PIK3R5: variants seen among roughly 807,000 people sequenced by gnomAD.
PIK3R5 encodes the protein phosphoinositide 3-kinase regulatory subunit 5.
PIK3R5 carries 32 observed loss-of-function variants against 94.9 expected under a neutral mutation model. That is an observed-to-expected ratio of 0.34 (90% confidence interval 0.25 to 0.45). The LOEUF is 0.45. PIK3R5 is among the 20% of genes least tolerant of loss of function. The pLI is 1.00. For synonymous variants in PIK3R5, 443 were observed against 479.4 expected, an observed-to-expected ratio of 0.92 and a Z score of 0.99; for missense variants, 853 against 1,144.6, an observed-to-expected ratio of 0.75 and a Z score of 3.68.
At position 8,889,170 on chromosome 17, in the gene PIK3R5, G is replaced by C; in HGVS notation, c.864C>G (p.Cys288Trp). Residue 288 changes from cysteine to tryptophan, a missense_variant, in exon 9 of 19, where the codon TGC becomes TGG. By Grantham distance (215) the Cys-to-Trp change is radical (BLOSUM62 -2). Coordinates refer to ENST00000447110, the MANE Select transcript of PIK3R5 (RefSeq NM_001142633.3). This position sits in a 1 kb window ranked among gnomAD's most constrained non-coding sequence, Gnocchi z 4.1. ...LHTIPIPVAR[C>W]YTYSWSQDSF... ...TGTCCTGGCTCCAGCTGTAGGTGTAGCACCTGGCGACAGGGATGGGGATGG... is the reference window on the plus strand; with the variant it reads ...TGTCCTGGCTCCAGCTGTAGGTGTACCACCTGGCGACAGGGATGGGGATGG... 1 of 1,614,136 alleles carries C rather than the reference G, an allele frequency of 6.2e-7. No individual in the cohort carries two copies. Among genetic ancestry groups the C allele is most frequent in the Non-Finnish European group, 8.5e-7 (1 of 1,179,982 alleles).
In PIK3R5 at chr17:8,904,533, C is replaced by G. The variant is rs565900446; in HGVS notation, c.412+244G>C. On this transcript the variant is annotated intron_variant, in intron 5 of 18. Coordinates refer to ENST00000447110, the MANE Select transcript of PIK3R5 (RefSeq NM_001142633.3). The surrounding 1 kb of genome is among the most constrained non-coding windows in gnomAD (Gnocchi z 5.1). ...GGTCTCCTTGCCCTGAGTGCCTGCTCCTACTTCCCCTAACAATCCCTCCTC... is the reference window on the plus strand; with the variant it reads ...GGTCTCCTTGCCCTGAGTGCCTGCTGCTACTTCCCCTAACAATCCCTCCTC... 6.6e-6 allele frequency among the ~76,000 whole-genome samples: 1 copy of G among 152,312 alleles called. No individual in the cohort carries two copies. The highest frequency in any genetic ancestry group is 1.5e-5 in the Non-Finnish European group (1 of 68,034).
intron 1 of PIK3R5, among the ~76,000 whole-genome samples, chr17:8,954,933 G>A (rs1409533893): frequency 7.8e-5 from 6 of 76,844 alleles, no homozygotes; most frequent in Admixed American, 1.5e-4. Context: ...GCAAAACTCC[G>A]TCTCAAAAAA....
chr17:8,964,932 C>T (rs1050376950), intron 1 of PIK3R5, among the ~76,000 whole-genome samples: 3 of 152,226 alleles, frequency 2.0e-5, no homozygotes, highest in African/African-American at 4.8e-5. Flanking sequence ...TCTCCTTCCT[C>T]CTACTGACCT....
chr17:8,888,731 C>T lies in PIK3R5; in HGVS notation c.1056G>A (p.Leu352=). The change falls in exon 10 of 19, where the codon TTG becomes TTA. Residue 352 remains leucine, a synonymous_variant. Transcript: ENST00000447110. The surrounding 1 kb of genome is among the most constrained non-coding windows in gnomAD (Gnocchi z 7.8). ...GGGACAAGGTGGAGTCATGGGACGCCAAAGAGCTGGTGGAGAGCAGGGAAT... is the reference window on the plus strand; with the variant it reads ...GGGACAAGGTGGAGTCATGGGACGCTAAAGAGCTGGTGGAGAGCAGGGAAT... ...ERDSLLSTSS[L]ASHDSTLSLA... is the part of the protein sequence containing the mutation. The T allele has an allele frequency of 6.2e-7, 1 of 1,613,760 alleles. No individual in the cohort carries two copies.
At chr17:8,918,817 C>T (rs1203052846) in intron 1 of PIK3R5, among the ~76,000 whole-genome samples, 1 of 152,176 alleles carries the variant, frequency 6.6e-6, no homozygotes, top group Non-Finnish European at 1.5e-5. Context: ...TTAACATGAC[C>T]AGCAATAAGC....
intron 1 of PIK3R5, among the ~76,000 whole-genome samples, chr17:8,930,171 G>C (rs994298927): frequency 2.0e-5 from 3 of 151,980 alleles, no homozygotes; most frequent in African/African-American, 7.3e-5. Flanking sequence ...CATAAACTAA[G>C]ATAGATCATA....
At chr17:8,959,156 G>A (rs2091514893) in intron 1 of PIK3R5, among the ~76,000 whole-genome samples, 2 of 152,164 alleles carry the variant, frequency 1.3e-5, no homozygotes, top group African/African-American at 4.8e-5. Flanking sequence ...GTCATGAGAT[G>A]GCCCCCAGCA....
In PIK3R5 at chr17:8,880,668, T is replaced by A. The variant is rs765530084; in HGVS notation, c.2614A>T (p.Ile872Phe). ...PDLCSLLCLP[I>F]MTFSGALP The stretch of plus-strand genomic sequence containing the variant: ...GGCAGAGCTCCACTGAAAGTCATGA[T>A]GGGCAGGCAGAGAAGGGAGCAGAGA... The change falls in exon 19 of 19, where the codon ATC becomes TTC. Residue 872 changes from isoleucine (I) to phenylalanine (F), a missense_variant. Coordinates refer to ENST00000447110, the MANE Select transcript of PIK3R5 (RefSeq NM_001142633.3). 2 of 1,612,582 alleles carry A rather than the reference T, an allele frequency of 1.2e-6. No homozygotes were observed. The highest frequency in any genetic ancestry group is 1.1e-5 in the South Asian group (1 of 90,764).
At position 8,904,084 on chromosome 17, in the gene PIK3R5, T is replaced by C. The variant is rs188947356; in HGVS notation, c.412+693A>G. On this transcript the variant is annotated intron_variant, in intron 5 of 18. Coordinates refer to ENST00000447110, the MANE Select transcript of PIK3R5 (RefSeq NM_001142633.3). This position sits in a 1 kb window ranked among gnomAD's most constrained non-coding sequence, Gnocchi z 5.1. ...AGGAATGATGATGAATTTTATGAAA[T>C]ATTTTAGAGGCATCTATTGAGATGC... Among the ~76,000 whole-genome samples the C allele has an allele frequency of 1.9e-3, 297 of 152,324 alleles. 3 individuals are homozygous for C. The highest frequency in any genetic ancestry group is 7.0e-3 in the African/African-American group (292 of 41,578).
chr17:8,964,644 T>C (rs914743206), intron 1 of PIK3R5, among the ~76,000 whole-genome samples: 2 of 152,190 alleles, frequency 1.3e-5, no homozygotes, highest in Non-Finnish European at 2.9e-5. Context: ...GAAAGCCACG[T>C]TGTAGGGTTG....
At position 8,890,997 on chromosome 17, in the gene PIK3R5, C is replaced by G; in HGVS notation, c.483-85G>C. 1.5e-6 allele frequency: 2 copies of G among 1,348,180 alleles called. No homozygotes were observed. The highest frequency in any genetic ancestry group is 2.0e-6 in the Non-Finnish European group (2 of 983,608). 83.5% of individuals were successfully genotyped at this position (1,348,180 alleles called of 1,614,324 possible). A position where few individuals can be genotyped will look rare whatever the true frequency, so the allele number is the denominator to read the frequency against. On this transcript the variant is annotated intron_variant, in intron 6 of 18. Coordinates refer to ENST00000447110, the MANE Select transcript of PIK3R5 (RefSeq NM_001142633.3). This position sits in a 1 kb window ranked among gnomAD's most constrained non-coding sequence, Gnocchi z 6.1. The stretch of plus-strand genomic sequence containing the variant: ...CACCCCCCTCGTGCCTGCTGGTGCT[C>G]AGCTCCACTGAGACCAGGGCCTCCT...
At chr17:8,905,622 C>T (rs1314389491) in intron 4 of PIK3R5, 47 bp downstream of exon 4, 3 of 1,454,312 alleles carry the variant, frequency 2.1e-6, no homozygotes, top group South Asian at 1.2e-5. Context: ...GAGGTCGCTC[C>T]TCCCCCTCCT....
chr17:8,893,472 TG>T lies in PIK3R5; in HGVS notation c.482+113del. On this transcript the variant is annotated intron_variant, in intron 6 of 18. Coordinates refer to ENST00000447110, the MANE Select transcript of PIK3R5 (RefSeq NM_001142633.3). This position sits in a 1 kb window ranked among gnomAD's most constrained non-coding sequence, Gnocchi z 5.1. ...GAAGCCTGTTTGTTGCTGGCTGGGG[TG>T]GACAGGGGGTGGGGGCACTGGATGT... The T allele has an allele frequency of 1.3e-6, 1 of 788,202 alleles. No homozygotes were observed. The highest frequency in any genetic ancestry group is 2.2e-6 in the Non-Finnish European group (1 of 459,588). The allele number at this position is 788,202 out of a possible 1,614,324, so 48.8% of individuals were successfully genotyped here. A position where few individuals can be genotyped will look rare whatever the true frequency, so the allele number is the denominator to read the frequency against.
At chr17:8,924,741 G>A (rs1467018470) in intron 1 of PIK3R5, among the ~76,000 whole-genome samples, 3 of 152,168 alleles carry the variant, frequency 2.0e-5, no homozygotes, top group African/African-American at 4.8e-5. Context: ...TCCCATTCAT[G>A]AATATGCTTT....
intron 1 of PIK3R5, among the ~76,000 whole-genome samples, chr17:8,938,442 T>C (rs184648215): frequency 1.8e-4 from 28 of 152,340 alleles, no homozygotes; most frequent in African/African-American, 6.7e-4. Context: ...GCTTTTACTA[T>C]ACTCACTAAG....
Position 8,942,935 on chromosome 17 carries a change from C to T in PIK3R5, c.-14+22661G>A, listed in dbSNP as rs142761661. Among the ~76,000 whole-genome samples, 812 of 144,734 alleles carry T rather than the reference C, an allele frequency of 5.6e-3. 17 individuals are homozygous for T. Among genetic ancestry groups the T allele is most frequent in the African/African-American group, 0.02 (771 of 38,258 alleles). 95.0% of individuals were successfully genotyped at this position (144,734 alleles called of 152,430 possible). A position where few individuals can be genotyped will look rare whatever the true frequency, so the allele number is the denominator to read the frequency against. On this transcript the variant is annotated intron_variant, in intron 1 of 18. Coordinates refer to ENST00000447110, the MANE Select transcript of PIK3R5 (RefSeq NM_001142633.3). ...CAGCCTTATTCTTATTTGGCTGCTG[C>T]GCCAGCTGGACAAAGCAGATCACGT...
At chr17:8,891,308 G>A (rs1376093885) in intron 6 of PIK3R5, among the ~76,000 whole-genome samples, 1 of 152,184 alleles carries the variant, frequency 6.6e-6, no homozygotes, top group African/African-American at 2.4e-5. Flanking sequence ...GTTTTCAGGG[G>A]GAGCTGGACA....
intron 1 of PIK3R5, among the ~76,000 whole-genome samples, chr17:8,958,989 C>A (rs2091511883): frequency 6.6e-6 from 1 of 152,154 alleles, no homozygotes; most frequent in East Asian, 1.9e-4. Flanking sequence ...AACTCCTGAC[C>A]TCAGGTGATC....
intron 1 of PIK3R5, among the ~76,000 whole-genome samples, chr17:8,961,649 T>TA (rs371572424): frequency 6.6e-6 from 1 of 150,630 alleles, no homozygotes; most frequent in African/African-American, 2.4e-5. Flanking sequence ...AATAATAATT[T>TA]AAAAAAAAAT....
Sources: gnomAD v4.1 joint callset for allele counts (sites outside exome capture counted in the v4.1 genomes callset) on GRCh38, gnomAD v4.1.1 for gene constraint, Gnocchi (gnomAD v3.1) non-coding constraint, MANE v1.5 for transcripts, NCBI Gene and HGNC (gene_info 2026-07-23, HGNC 2026-07-21) for gene names.